The following PTTG1IP variants were observed in gnomAD, a reference collection of about 807,000 sequenced individuals.
The protein encoded by PTTG1IP is PTTG1 interacting protein.
A neutral mutation model predicts 24.4 loss-of-function variants in PTTG1IP; 16 were observed. That is an observed-to-expected ratio of 0.66 (90% CI 0.44 to 1.00). The LOEUF is 1.00. Ranked by LOEUF, PTTG1IP falls within the 50% of genes least tolerant of loss-of-function variation. The pLI, the probability that PTTG1IP is intolerant of heterozygous loss-of-function variation, is 0.00. For synonymous variants in PTTG1IP, 89 were observed against 96.8 expected (o/e 0.92, Z 0.47); for missense variants, 241 against 245.8 (o/e 0.98, Z 0.13).
chr21:44,864,648 C>T (rs1488286322), intron 2 of PTTG1IP, among the ~76,000 whole-genome samples: 2 of 152,198 alleles, frequency 1.3e-5, no homozygotes, highest in African/African-American at 2.4e-5. Context: ...CCACCTGCCT[C>T]GGCCTCCCAA....
At chr21:44,869,599 G>A (rs2083568310) in intron 1 of PTTG1IP, among the ~76,000 whole-genome samples, 1 of 152,186 alleles carries the variant, frequency 6.6e-6, no homozygotes, top group Admixed American at 6.5e-5. Context: ...GTGCCCAGCT[G>A]AATCAATTTT....
chr21:44,855,973 G>C (rs1036383123), intron 4 of PTTG1IP, among the ~76,000 whole-genome samples: 1 of 152,212 alleles, frequency 6.6e-6, no homozygotes, highest in Non-Finnish European at 1.5e-5. Flanking sequence ...GGAGGACACC[G>C]GGCGAGGAAG....
Position 44,860,350 on chromosome 21 carries a change from A to AAAAT in PTTG1IP, c.277+809_277+812dup, listed in dbSNP as rs542162032. On this transcript the variant is annotated intron_variant, in intron 3 of 5. Transcript: ENST00000330938. ...TGCCATTGCACTCCAGCCCGTCTCA[A>AAAAT]AAATAAATAAATAAATAAATAAAGG... is the stretch of plus-strand genomic sequence containing the variant. Among the ~76,000 whole-genome samples, 54 of 152,234 alleles carry AAAAT rather than the reference A, an allele frequency of 3.5e-4. No individual in the cohort carries two copies. The East Asian group carries it at 4.6e-3, about 13-fold the overall frequency.
At chr21:44,851,745 A>G (rs235315) in intron 5 of PTTG1IP, 118 bp from the exon 6 acceptor site, 815,700 of 1,260,172 alleles carry the variant, frequency 0.65, 266,668 homozygotes, top group East Asian at 0.8. Flanking sequence ...AACAACGGGC[A>G]TTGTAAGCAG....
chr21:44,855,813 G>T (rs963486344), intron 4 of PTTG1IP, among the ~76,000 whole-genome samples: 1 of 152,234 alleles, frequency 6.6e-6, no homozygotes, highest in South Asian at 2.1e-4. Context: ...CCAGGGAAAG[G>T]GCGACAGGAG....
At position 44,864,553 on chromosome 21, in the gene PTTG1IP, C is replaced by T. The variant is rs184803978; in HGVS notation, c.168+842G>A. Among the ~76,000 whole-genome samples the T allele has an allele frequency of 3.2e-3, 495 of 152,348 alleles. 1 individual carries two copies. Among genetic ancestry groups the T allele is most frequent in the Non-Finnish European group, 5.6e-3 (381 of 68,028 alleles). ...CTGGGATTACAGGCACCCGCCACCA[C>T]GCCTAGCTAATTGTTTTGTATTTTT... On this transcript the variant is annotated intron_variant, in intron 2 of 5. Transcript: ENST00000330938.
intron 3 of PTTG1IP, among the ~76,000 whole-genome samples, chr21:44,857,209 G>A (rs1298752939): frequency 6.6e-6 from 1 of 152,314 alleles, no homozygotes; most frequent in East Asian, 1.9e-4. Context: ...GGACACAGTG[G>A]CTCACACCTA....
At chr21:44,863,544 C>T (rs140691887) in intron 2 of PTTG1IP, among the ~76,000 whole-genome samples, 70 of 152,300 alleles carry the variant, frequency 4.6e-4, no homozygotes, top group African/African-American at 1.7e-3. Context: ...GTCCCTCAGC[C>T]GCCTCATCCA....
chr21:44,863,148 A>C (rs2083506497), intron 2 of PTTG1IP, among the ~76,000 whole-genome samples: 1 of 136,054 alleles, frequency 7.4e-6, no homozygotes, highest in Non-Finnish European at 1.5e-5. Context: ...CCACGGCCTC[A>C]GCAGCAGAGA....
At chr21:44,858,267 A>G (rs751562277) in intron 3 of PTTG1IP, among the ~76,000 whole-genome samples, 2 of 152,238 alleles carry the variant, frequency 1.3e-5, no homozygotes, top group Non-Finnish European at 2.9e-5. Flanking sequence ...AGAACTGGAT[A>G]AAATGGTTCT....
In PTTG1IP at chr21:44,870,345, G is replaced by A. The variant is rs187235951; in HGVS notation, c.115+3157C>T. On this transcript the variant is annotated intron_variant, in intron 1 of 5. Coordinates refer to ENST00000330938, the MANE Select transcript of PTTG1IP (RefSeq NM_004339.4). Reference sequence around the variant, plus strand: ...CACCTGAGGTCAGGAGTTCGAGACCGGCCTGGCCGACATGGAGAAACCCCA... The same window carrying A: ...CACCTGAGGTCAGGAGTTCGAGACCAGCCTGGCCGACATGGAGAAACCCCA... Among the ~76,000 whole-genome samples the A allele has an allele frequency of 4.6e-5, 7 of 151,988 alleles. 1 individual carries two copies. The South Asian group carries it at 8.3e-4, about 18-fold the overall frequency.
In PTTG1IP at chr21:44,858,767, A is replaced by C. The variant is rs181504825; in HGVS notation, c.277+2396T>G. ...TGTCAAAAACACCCACCACTTGTAAAGGTGCTCAGCACGATCGGCTAGTCA... is the reference window on the plus strand; with the variant it reads ...TGTCAAAAACACCCACCACTTGTAACGGTGCTCAGCACGATCGGCTAGTCA... On this transcript the variant is annotated intron_variant, in intron 3 of 5. Coordinates refer to ENST00000330938, the MANE Select transcript of PTTG1IP (RefSeq NM_004339.4). 9.0e-4 allele frequency among the ~76,000 whole-genome samples: 137 copies of C among 152,328 alleles called. 1 individual carries two copies. Among genetic ancestry groups the C allele is most frequent in the Non-Finnish European group, 1.5e-3 (100 of 68,022 alleles).
At chr21:44,859,652 T>A (rs1012403234) in intron 3 of PTTG1IP, among the ~76,000 whole-genome samples, 1 of 152,024 alleles carries the variant, frequency 6.6e-6, no homozygotes, top group African/African-American at 2.4e-5. Context: ...TTAAGAGAAG[T>A]TCCATGGAAG....
At chr21:44,857,260 T>G (rs775718927) in intron 3 of PTTG1IP, among the ~76,000 whole-genome samples, 2 of 152,202 alleles carry the variant, frequency 1.3e-5, no homozygotes, top group Non-Finnish European at 2.9e-5. Context: ...GAGGATTGCT[T>G]GAGCCCAGGA....
chr21:44,860,584 T>A (rs1318816594), intron 3 of PTTG1IP, among the ~76,000 whole-genome samples: 1 of 152,002 alleles, frequency 6.6e-6, no homozygotes, highest in Admixed American at 6.6e-5. Flanking sequence ...AGCAGAGAAG[T>A]CAAACACGTT....
intron 2 of PTTG1IP, among the ~76,000 whole-genome samples, chr21:44,862,110 G>A (rs2083496559): frequency 6.6e-6 from 1 of 152,192 alleles, no homozygotes; most frequent in Non-Finnish European, 1.5e-5. Flanking sequence ...CCAGAGCTGG[G>A]CCCAGCCCAT....
chr21:44,853,777 A>G (rs1007360810), intron 5 of PTTG1IP, among the ~76,000 whole-genome samples: 16 of 152,180 alleles, frequency 1.1e-4, no homozygotes, highest in African/African-American at 3.9e-4. Flanking sequence ...AGTGAAGAGA[A>G]CCCAGAGAGT....
At chr21:44,863,324 A>G (rs1454315492) in intron 2 of PTTG1IP, among the ~76,000 whole-genome samples, 1 of 108,576 alleles carries the variant, frequency 9.2e-6, no homozygotes, top group Non-Finnish European at 1.8e-5. Context: ...ACAGCCCACC[A>G]TAGCCACTGC....
chr21:44,861,363 C>T (rs575726615), intron 2 of PTTG1IP, 92 bp from the exon 3 acceptor site: 4 of 1,075,178 alleles, frequency 3.7e-6, no homozygotes, highest in Admixed American at 2.3e-5. Flanking sequence ...GTGCTGCCAT[C>T]GCTCTGTGGA....
Sources: gnomAD v4.1 joint callset for allele counts (sites outside exome capture counted in the v4.1 genomes callset) on GRCh38, gnomAD v4.1.1 for gene constraint, MANE v1.5 for transcripts, NCBI Gene and HGNC (gene_info 2026-07-23, HGNC 2026-07-21) for gene names.